Variants in ATXN2L observed in about 807,000 individuals in gnomAD.
ATXN2L encodes the protein ataxin 2 like.
In ATXN2L, 24 loss-of-function variants were observed where a neutral mutation model predicts 120.7. The ratio of observed to expected loss-of-function variants is 0.20; its 90% CI spans 0.14 to 0.28. ATXN2L has a LOEUF of 0.28. ATXN2L is among the 10% of genes least tolerant of loss of function. The probability of loss-of-function intolerance (pLI) is 1.00; values close to 1 mark genes in which losing one functional copy is unlikely to be tolerated. For missense variants in ATXN2L, 1,312 were observed against 1,432.3 expected (o/e 0.92, Z 1.36); for synonymous variants, 653 against 568.1 (o/e 1.15, Z -2.13).
rs1960917027 is a variant in ATXN2L, at chr16:28,836,538, G to A, written c.*273G>A. On this transcript the variant is annotated 3_prime_UTR_variant, in exon 22 of 22. Transcript: ENST00000336783. Reference sequence around the variant, plus strand: ...GACTGGGGTGTGGGGGGCTGAGCTGGGCACATGAGTGAGGGCTCTGGCTTA... The same window carrying A: ...GACTGGGGTGTGGGGGGCTGAGCTGAGCACATGAGTGAGGGCTCTGGCTTA... 10 of 1,585,404 alleles carry A rather than the reference G, an allele frequency of 6.3e-6. No individual in the cohort carries two copies. Among genetic ancestry groups the A allele is most frequent in the Non-Finnish European group, 7.7e-6 (9 of 1,167,774 alleles).
rs940845740 is a variant in ATXN2L at position 28,823,187 on chromosome 16, C to T, written c.-73C>T. ...CCCGATCCCCCTCGCTTCCCGCGCT[C>T]TCCAGCGGGGCCCCAGCCCCGGCCC... On this transcript the variant is annotated 5_prime_UTR_variant, in exon 1 of 22. Transcript: ENST00000336783. The T allele has an allele frequency of 8.9e-7, 1 of 1,118,990 alleles. No homozygotes were observed. Among genetic ancestry groups the T allele is most frequent in the African/African-American group, 1.6e-5 (1 of 60,878 alleles). The allele number at this position is 1,118,990 out of a possible 1,614,324, so 69.3% of individuals were successfully genotyped here.
At chr16:28,823,734 G>A in intron 1 of ATXN2L, 176 bp downstream of exon 1, 1 of 639,696 alleles carries the variant, frequency 1.6e-6, no homozygotes, top group Non-Finnish European at 2.2e-6. Context: ...AGGGTCCCCG[G>A]GCGGCCACCG....
In ATXN2L at chr16:28,823,250, C is replaced by T; in HGVS notation, c.-10C>T. The T allele has an allele frequency of 6.9e-7, 1 of 1,444,732 alleles. No individual in the cohort carries two copies. Among genetic ancestry groups the T allele is most frequent in the South Asian group, 1.4e-5 (1 of 69,024 alleles). The allele number at this position is 1,444,732 out of a possible 1,614,324, so 89.5% of individuals were successfully genotyped here. A position where few individuals can be genotyped will look rare whatever the true frequency, so the allele number is the denominator to read the frequency against. On this transcript the variant is annotated 5_prime_UTR_variant, in exon 1 of 22. In the 5' UTR this introduces an upstream ATG that the reference lacks. Transcript: ENST00000336783. ...CCTTCTCTCTAATTCCCCTTCCGGA[C>T]GCTGCCATCATGTTGAAGCCTCAGC...
intron 20 of ATXN2L, 72 bp downstream of exon 20, chr16:28,835,471 G>A (rs1339374191): frequency 1.9e-6 from 3 of 1,610,984 alleles, no homozygotes; most frequent in African/African-American, 2.7e-5. Context: ...TAGAGCTAGG[G>A]GTCATTTCTG....
chr16:28,835,092 G>A lies in ATXN2L; in HGVS notation c.2468G>A (p.Arg823His), dbSNP rs1206569743. 2.5e-6 allele frequency: 4 copies of A among 1,613,740 alleles called. No individual in the cohort carries two copies. The highest frequency in any genetic ancestry group is 3.4e-6 in the Non-Finnish European group (4 of 1,179,856). The change falls in exon 19 of 22, where the codon CGC becomes CAC. Residue 823 changes from arginine to histidine, a missense_variant. Coordinates refer to ENST00000336783, the MANE Select transcript of ATXN2L (RefSeq NM_007245.4). ...GCCCCCATGCTTCAGAGCAACCCAC[G>A]CATGCTGACGTCGGGCAGCCATCCC... ...VFAPMLQSNP[R>H]MLTSGSHPQA...
At chr16:28,824,272 C>T in intron 1 of ATXN2L, 1 of 1,159,248 alleles carries the variant, frequency 8.6e-7, no homozygotes, top group Non-Finnish European at 1.1e-6. Flanking sequence ...GGAGGCCCTG[C>T]TCAGTTTTTC....
intron 7 of ATXN2L, 155 bp from the exon 8 acceptor site, chr16:28,829,703 T>C (rs2053640359): frequency 1.2e-6 from 1 of 827,654 alleles, no homozygotes; most frequent in African/African-American, 1.7e-5. Context: ...CTTGGTGCTC[T>C]ACCTGGGATG....
Position 28,834,697 on chromosome 16 carries a change from A to T in ATXN2L, c.2433+4A>T, listed in dbSNP as rs569385761. On this transcript the variant is annotated splice_donor_region_variant and intron_variant, in intron 18 of 21. Transcript: ENST00000336783. ...CATGGCCCACTACCCCTCACAGGTGACTGCGGCCCAGGAGGGCAGTGAGGA... is the reference window on the plus strand; with the variant it reads ...CATGGCCCACTACCCCTCACAGGTGTCTGCGGCCCAGGAGGGCAGTGAGGA... The T allele has an allele frequency of 3.0e-4, 479 of 1,604,840 alleles. 9 individuals are homozygous for T. In the South Asian group the frequency reaches 5.0e-3, roughly 17 times the overall value.
At chr16:28,826,830 C>G in intron 5 of ATXN2L, 32 bp from the exon 6 acceptor site, 1 of 1,514,324 alleles carries the variant, frequency 6.6e-7, no homozygotes, top group Non-Finnish European at 8.9e-7. Context: ...GAAATATAGC[C>G]TGACTCCTGA....
At chr16:28,826,603 CTGTCTG>C in intron 5 of ATXN2L, 1 of 600,586 alleles carries the variant, frequency 1.7e-6, no homozygotes, top group Non-Finnish European at 2.8e-6. Flanking sequence ...CGATGAATTC[CTGTCTG>C]TGTTGTGGTT....
intron 20 of ATXN2L, 71 bp downstream of exon 20, chr16:28,835,470 G>C: frequency 6.2e-7 from 1 of 1,611,038 alleles, no homozygotes. Context: ...ATAGAGCTAG[G>C]GGTCATTTCT....
At position 28,830,725 on chromosome 16, in the gene ATXN2L, G is replaced by A. The variant is rs1215212218; in HGVS notation, c.1145G>A (p.Arg382His). Residue 382 changes from arginine to histidine, a missense_variant, in exon 9 of 22, where the codon CGT (arginine) becomes CAT (histidine). Coordinates refer to ENST00000336783, the MANE Select transcript of ATXN2L (RefSeq NM_007245.4). ...GRPGLSSLPP[R>H]GPHHLDNSSP... Reference sequence around the variant, plus strand: ...CCTGGCCTTAGCTCTTTGCCACCTCGTGGCCCTCACCATCTGGACAACAGC... The same window carrying A: ...CCTGGCCTTAGCTCTTTGCCACCTCATGGCCCTCACCATCTGGACAACAGC... 9.3e-6 allele frequency: 15 copies of A among 1,613,602 alleles called. No homozygotes were observed. Among genetic ancestry groups the A allele is most frequent in the Non-Finnish European group, 1.2e-5 (14 of 1,179,858 alleles).
At chr16:28,824,661 G>A (rs2051128272) in intron 1 of ATXN2L, 2 of 1,087,178 alleles carry the variant, frequency 1.8e-6, no homozygotes, top group Non-Finnish European at 2.4e-6. Context: ...CTGTTTGGGA[G>A]GTAATGTACC....
Position 28,834,386 on chromosome 16 carries a change from G to A in ATXN2L, c.2216G>A (p.Gly739Glu). Reference sequence around the variant, plus strand: ...TATCCTGTATCCAATTCAGTGCCTGGGCAGCAGGGCAAGTACCGGGGAGCA... The same window carrying A: ...TATCCTGTATCCAATTCAGTGCCTGAGCAGCAGGGCAAGTACCGGGGAGCA... ...YPYPVSNSVP[G>E]QQGKYRGAKG... Residue 739 changes from glycine to glutamate, a missense_variant, in exon 17 of 22, where the codon GGG (glycine) becomes GAG (glutamate). Coordinates refer to ENST00000336783, the MANE Select transcript of ATXN2L (RefSeq NM_007245.4). 1 of 1,614,098 alleles carries A rather than the reference G, an allele frequency of 6.2e-7. No individual in the cohort carries two copies. Among genetic ancestry groups the A allele is most frequent in the Non-Finnish European group, 8.5e-7 (1 of 1,179,970 alleles).
intron 10 of ATXN2L, among the ~76,000 whole-genome samples, 167 bp downstream of exon 10, chr16:28,831,239 G>A (rs905354088): frequency 1.3e-5 from 2 of 149,496 alleles, no homozygotes; most frequent in African/African-American, 4.8e-5. Context: ...CCCTAGTGCA[G>A]AAATCTCAAC....
In ATXN2L at chr16:28,836,110, G is replaced by A. The variant is rs779397572; in HGVS notation, c.3073G>A (p.Gly1025Arg). Residue 1025 changes from glycine (G) to arginine (R), a missense_variant, in exon 22 of 22, where the codon GGA becomes AGA. Physicochemically the swap from Gly to Arg is moderately radical, Grantham distance 125. Transcript: ENST00000336783. ...ASTPSPYPYI[G>R]HPQGEQPGQA... ...CACACCCTCACCCTACCCCTACATC[G>A]GACACCCCCAAGGTGAGCAGCCTGG... 3 of 1,614,054 alleles carry A rather than the reference G, an allele frequency of 1.9e-6. No individual in the cohort carries two copies. The highest frequency in any genetic ancestry group is 2.2e-5 in the South Asian group (2 of 91,082).
intron 1 of ATXN2L, chr16:28,823,891 T>G: frequency 1.1e-5 from 3 of 271,176 alleles, no homozygotes; most frequent in East Asian, 7.3e-5. Context: ...CCGGTTCCAT[T>G]ACCACGAAGG....
intron 21 of ATXN2L, 55 bp from the exon 22 acceptor site, chr16:28,835,878 C>CAG: frequency 1.3e-6 from 2 of 1,568,590 alleles, no homozygotes; most frequent in Non-Finnish European, 1.7e-6. Context: ...CTCTGGCTCT[C>CAG]AGAGTCTGTT....
intron 7 of ATXN2L, 178 bp from the exon 8 acceptor site, chr16:28,829,680 T>C: frequency 2.6e-6 from 2 of 773,066 alleles, no homozygotes; most frequent in Middle Eastern, 2.8e-4. Context: ...GCTTCTCACA[T>C]TCCCAGATAA....
Sources: allele counts gnomAD v4.1 joint callset (sites outside exome capture counted in the v4.1 genomes callset), GRCh38; gene constraint gnomAD v4.1.1; transcripts MANE v1.5; gene names NCBI Gene and HGNC (gene_info 2026-07-23, HGNC 2026-07-21).